The following CYB5RL variants were observed in gnomAD, a reference collection of about 807,000 sequenced individuals.
CYB5RL encodes cytochrome b5 reductase like, also known as NADH-cytochrome b5 reductase-like.
Under a neutral mutation model 37.5 loss-of-function variants are expected in CYB5RL, and 38 were observed. That is an observed-to-expected ratio of 1.01 (90% CI 0.78 to 1.33). The LOEUF (loss-of-function observed/expected upper bound fraction) is 1.33. CYB5RL is among the 40% of genes most tolerant of loss of function. The probability of loss-of-function intolerance (pLI) is 0.00; values close to 1 mark genes in which losing one functional copy is unlikely to be tolerated. For synonymous variants in CYB5RL, 141 were observed against 151.9 expected (o/e 0.93, Z 0.53); for missense variants, 388 against 394.4 (o/e 0.98, Z 0.14).
intron 7 of CYB5RL, chr1:54,175,661 C>A (rs767416052): frequency 1.1e-5 from 5 of 443,536 alleles, no homozygotes; most frequent in South Asian, 8.0e-5. Context: ...ATTCAACCAA[C>A]TGTGGATTGA....
chr1:54,180,047 A>G, intron 6 of CYB5RL: 1 of 451,704 alleles, frequency 2.2e-6, no homozygotes, highest in South Asian at 1.6e-5. Context: ...GGAGTTCGAG[A>G]CCAACGTGGC....
chr1:54,179,120 A>C (rs1660091409), intron 7 of CYB5RL, 29 bp downstream of exon 7: 1 of 1,600,150 alleles, frequency 6.2e-7, no homozygotes, highest in African/African-American at 1.3e-5. Context: ...AGTCTCAATC[A>C]AAAAAGAAAG....
At position 54,174,546 on chromosome 1, in the gene CYB5RL, T is replaced by C; in HGVS notation, c.*73A>G. On this transcript the variant is annotated 3_prime_UTR_variant, in exon 8 of 8. Transcript: ENST00000534324. ...GACCAGGCCTGGACTCCGTGTCTTC[T>C]GATTCCAGTCTGTGCTCCTTCCTGG... 6.6e-7 allele frequency: 1 copy of C among 1,521,638 alleles called. No homozygotes were observed. Among genetic ancestry groups the C allele is most frequent in the Non-Finnish European group, 8.9e-7 (1 of 1,121,402 alleles). 94.3% of individuals were successfully genotyped at this position (1,521,638 alleles called of 1,614,324 possible).
In CYB5RL at chr1:54,171,903, G is replaced by GC. The variant is rs1659901785; in HGVS notation, c.*2715dup. On this transcript the variant is annotated 3_prime_UTR_variant, in exon 8 of 8. Coordinates refer to ENST00000534324, the MANE Select transcript of CYB5RL (RefSeq NM_001031672.4). Reference sequence around the variant, plus strand: ...ACTCTCAAGTTTCCAGGCGACAGGAGCCCTTTAGGCTTCTTGGCACCAAGG... The same window carrying GC: ...ACTCTCAAGTTTCCAGGCGACAGGAGCCCCTTTAGGCTTCTTGGCACCAAGG... The GC allele has an allele frequency of 1.7e-5, 3 of 175,566 alleles. No homozygotes were observed. The highest frequency in any genetic ancestry group is 1.1e-4 in the Admixed American group (2 of 18,594). The allele number at this position is 175,566 out of a possible 1,614,324, so 10.9% of individuals were successfully genotyped here.
intron 1 of CYB5RL, among the ~76,000 whole-genome samples, chr1:54,199,312 A>C (rs1644051940): frequency 1.3e-5 from 2 of 152,202 alleles, no homozygotes; most frequent in African/African-American, 4.8e-5. Context: ...CCTTGCACTC[A>C]CTGAGCTCAT....
At chr1:54,188,572 A>C (rs981255245) in intron 4 of CYB5RL, among the ~76,000 whole-genome samples, 4 of 152,222 alleles carry the variant, frequency 2.6e-5, no homozygotes, top group African/African-American at 9.6e-5. Context: ...AGTCACAGTA[A>C]TAGCCATGGT....
intron 6 of CYB5RL, 101 bp downstream of exon 6, chr1:54,184,060 G>A (rs1660232211): frequency 1.0e-6 from 1 of 961,376 alleles, no homozygotes; most frequent in Non-Finnish European, 1.6e-6. Context: ...CTGGGATTGT[G>A]TTTGAGCTCA....
chr1:54,198,473 C>T (rs1004545408), intron 1 of CYB5RL, among the ~76,000 whole-genome samples: 4 of 151,618 alleles, frequency 2.6e-5, no homozygotes, highest in African/African-American at 9.7e-5. Context: ...GCTGGGACTA[C>T]AGGCGCCCGC....
rs1054825176 is a variant in CYB5RL, at chr1:54,184,225, C to T, written c.476G>A (p.Trp159Ter). The change falls in exon 6 of 8, where the codon TGG (tryptophan) becomes TAG (stop). Residue 159 changes from tryptophan to a stop codon, truncating the protein, a stop_gained. Coordinates refer to ENST00000534324, the MANE Select transcript of CYB5RL (RefSeq NM_001031672.4). LOFTEE classifies it high-confidence loss of function. ...CCAGAAAGCTGTGTCTCCTACTCTC[C>T]AGGACTCAACATACCGGGACATCAG... ...MGLMSRYVES[W>*]RVGDTAFWRG... The T allele has an allele frequency of 9.9e-6, 16 of 1,613,694 alleles. No homozygotes were observed. Among genetic ancestry groups the T allele is most frequent in the African/African-American group, 1.3e-5 (1 of 74,914 alleles).
chr1:54,194,336 C>T (rs2100484308), intron 3 of CYB5RL, among the ~76,000 whole-genome samples: 1 of 151,850 alleles, frequency 6.6e-6, no homozygotes, highest in Admixed American at 6.6e-5. Context: ...CGCCACTGCA[C>T]CCCAGCCTGG....
chr1:54,184,913 G>A (rs757073946), intron 5 of CYB5RL: 3 of 152,230 alleles, frequency 2.0e-5, no homozygotes, highest in Non-Finnish European at 4.4e-5. Flanking sequence ...CTCCTGGCTG[G>A]ATGAAAAATG....
chr1:54,190,708 A>G, intron 4 of CYB5RL, 40 bp downstream of exon 4: 1 of 1,551,228 alleles, frequency 6.4e-7, no homozygotes, highest in Non-Finnish European at 8.7e-7. Context: ...ATAGCAAAGC[A>G]GGGCTGTGAA....
rs199724788 is a variant in CYB5RL at position 54,183,975 on chromosome 1, CTAAA to C, written c.540+182_540+185del. 833 of 353,538 alleles carry C rather than the reference CTAAA, an allele frequency of 2.4e-3. 2 individuals are homozygous for C. Among genetic ancestry groups the C allele is most frequent in the Admixed American group, 3.7e-3 (79 of 21,598 alleles). 21.9% of individuals were successfully genotyped at this position (353,538 alleles called of 1,614,324 possible). On this transcript the variant is annotated intron_variant, in intron 6 of 7. Coordinates refer to ENST00000534324, the MANE Select transcript of CYB5RL (RefSeq NM_001031672.4). ...GGGCAACAAGAGCGAAACTCCGTCT[CTAAA>C]TAAATAAATAAATAAATAAATAAAT...
intron 6 of CYB5RL, among the ~76,000 whole-genome samples, chr1:54,180,631 C>T (rs1031448106): frequency 6.6e-6 from 1 of 151,588 alleles, no homozygotes; most frequent in East Asian, 2.0e-4. Flanking sequence ...AGAGGGGTGA[C>T]CCTCTTTAAG....
chr1:54,196,055 T>C (rs535970226), intron 2 of CYB5RL, among the ~76,000 whole-genome samples: 2 of 152,336 alleles, frequency 1.3e-5, no homozygotes, highest in South Asian at 2.1e-4. Flanking sequence ...TCACCAAGCA[T>C]AGCTTGGCAT....
In CYB5RL at chr1:54,190,241, G is replaced by C. The variant is rs142802715; in HGVS notation, c.347+507C>G. 2.0e-3 allele frequency among the ~76,000 whole-genome samples: 299 copies of C among 152,340 alleles called. 2 individuals carry two copies. The highest frequency in any genetic ancestry group is 6.9e-3 in the African/African-American group (288 of 41,576). Reference sequence around the variant, plus strand: ...AAGAGCGTAACTCAGGAGCCAGGCTGTCTGGGTTTAAATCCTGGCTCCGTG... The same window carrying C: ...AAGAGCGTAACTCAGGAGCCAGGCTCTCTGGGTTTAAATCCTGGCTCCGTG... On this transcript the variant is annotated intron_variant, in intron 4 of 7. Coordinates refer to ENST00000534324, the MANE Select transcript of CYB5RL (RefSeq NM_001031672.4).
chr1:54,189,997 C>T (rs1643935122), intron 4 of CYB5RL, among the ~76,000 whole-genome samples: 2 of 152,206 alleles, frequency 1.3e-5, no homozygotes, highest in Admixed American at 1.3e-4. Context: ...CACACATTTT[C>T]CCAAATGCCA....
chr1:54,198,699 A>G (rs1057111083), intron 1 of CYB5RL, among the ~76,000 whole-genome samples: 24 of 143,780 alleles, frequency 1.7e-4, no homozygotes, highest in Non-Finnish European at 3.3e-4. Context: ...TGGTAGGATC[A>G]CAGCTCACTG....
chr1:54,198,872 T>C (rs1390100595), intron 1 of CYB5RL, among the ~76,000 whole-genome samples: 3 of 152,050 alleles, frequency 2.0e-5, no homozygotes, highest in East Asian at 1.9e-4. Context: ...TGGCCTCAAG[T>C]GGCCCCTCCC....
Sources: gnomAD v4.1 joint callset for allele counts (sites outside exome capture counted in the v4.1 genomes callset) on GRCh38, gnomAD v4.1.1 for gene constraint, MANE v1.5 for transcripts, NCBI Gene and HGNC (gene_info 2026-07-23, HGNC 2026-07-21) for gene names.